Variants in ARID5B observed in about 807,000 individuals in gnomAD.
ARID5B encodes AT-rich interaction domain 5B.
Under a neutral mutation model 97.2 loss-of-function variants are expected in ARID5B, and 13 were observed. The observed-to-expected ratio is 0.13, with a 90% CI of 0.09 to 0.21. ARID5B has a LOEUF of 0.21. Ranked by LOEUF, ARID5B falls within the 10% of genes least tolerant of loss-of-function variation. The pLI, the probability that ARID5B is intolerant of heterozygous loss-of-function variation, is 1.00. For missense variants in ARID5B, 1,210 were observed against 1,465.3 expected (o/e 0.83, Z 2.84); for synonymous variants, 556 against 570.3 (o/e 0.97, Z 0.36).
At chr10:61,949,876 G>A (rs78352511) in intron 3 of ARID5B, among the ~76,000 whole-genome samples, 2,084 of 152,140 alleles carry the variant, frequency 0.014, 42 homozygotes, top group African/African-American at 0.048. Flanking sequence ...AGTCTTATGC[G>A]GCCTTGGCTT....
At chr10:61,974,989 T>C (rs1177988510) in intron 3 of ARID5B, among the ~76,000 whole-genome samples, 2 of 152,176 alleles carry the variant, frequency 1.3e-5, no homozygotes, top group Non-Finnish European at 2.9e-5. Context: ...AATAGCATTG[T>C]TGGTAGGCTT....
intron 4 of ARID5B, among the ~76,000 whole-genome samples, chr10:62,050,598 G>A (rs189297090): frequency 6.6e-6 from 1 of 152,302 alleles, no homozygotes; most frequent in African/African-American, 2.4e-5. Context: ...CAACGTGGAA[G>A]GACATTTTTC....
At chr10:61,977,033 C>T (rs1027143769) in intron 3 of ARID5B, among the ~76,000 whole-genome samples, 12 of 152,066 alleles carry the variant, frequency 7.9e-5, no homozygotes, top group Non-Finnish European at 1.3e-4. Context: ...CAACAGGCCC[C>T]GGTGTGTCAT....
chr10:62,087,077 A>T (rs1240976401), intron 9 of ARID5B, among the ~76,000 whole-genome samples: 1 of 152,014 alleles, frequency 6.6e-6, no homozygotes, highest in Non-Finnish European at 1.5e-5. Context: ...GAGGCGGTGG[A>T]TCACGAGGTC....
intron 7 of ARID5B, among the ~76,000 whole-genome samples, chr10:62,060,506 T>C (rs1446422003): frequency 6.6e-6 from 1 of 152,198 alleles, no homozygotes; most frequent in Non-Finnish European, 1.5e-5. Flanking sequence ...CTTGAAATAT[T>C]TATTTTATCA....
intron 3 of ARID5B, among the ~76,000 whole-genome samples, chr10:61,970,149 C>T (rs1002983884): frequency 6.6e-6 from 1 of 152,172 alleles, no homozygotes; most frequent in Non-Finnish European, 1.5e-5. Flanking sequence ...ATCAGACATA[C>T]TTATAAATGC....
At chr10:61,956,102 G>T (rs1838387706) in intron 3 of ARID5B, among the ~76,000 whole-genome samples, 1 of 152,106 alleles carries the variant, frequency 6.6e-6, no homozygotes, top group Non-Finnish European at 1.5e-5. Flanking sequence ...TATAACAGGG[G>T]TCCCCAATCC....
At chr10:61,998,260 T>C (rs1839028832) in intron 3 of ARID5B, among the ~76,000 whole-genome samples, 1 of 152,240 alleles carries the variant, frequency 6.6e-6, no homozygotes, top group Admixed American at 6.5e-5. Flanking sequence ...TGTTCCGTCC[T>C]TGCTCATTCG....
chr10:62,065,845 C>CAAAAAAAAAA (rs60296263), intron 7 of ARID5B, among the ~76,000 whole-genome samples: 1 of 88,666 alleles, frequency 1.1e-5, no homozygotes, highest in Admixed American at 1.3e-4. Context: ...GACTCTGTCT[C>CAAAAAAAAAA]AAAAAAAAAA....
At chr10:61,912,018 G>A (rs1473392323) in intron 2 of ARID5B, among the ~76,000 whole-genome samples, 3 of 152,228 alleles carry the variant, frequency 2.0e-5, no homozygotes, top group African/African-American at 7.2e-5. Flanking sequence ...ATTGAACAAT[G>A]AGAGAGTCTG....
chr10:62,048,900 A>C (rs966072578), intron 4 of ARID5B, among the ~76,000 whole-genome samples: 1 of 152,196 alleles, frequency 6.6e-6, no homozygotes, highest in African/African-American at 2.4e-5. Context: ...TTTTAATGAA[A>C]TGCCTGCGAC....
In ARID5B at chr10:62,000,831, T is replaced by TGATAGATAGATAGATAGATA. The variant is rs10689655; in HGVS notation, c.733+534_733+553dup. Among the ~76,000 whole-genome samples, 3 of 148,622 alleles carry TGATAGATAGATAGATAGATA rather than the reference T, an allele frequency of 2.0e-5. No individual in the cohort carries two copies. Among genetic ancestry groups the TGATAGATAGATAGATAGATA allele is most frequent in the African/African-American group, 7.5e-5 (3 of 40,130 alleles). On this transcript the variant is annotated intron_variant, in intron 4 of 9. Coordinates refer to ENST00000279873, the MANE Select transcript of ARID5B (RefSeq NM_032199.3). The surrounding 1 kb of genome is among the most constrained non-coding windows in gnomAD (Gnocchi z 4.4). ...TACAGTAGATAGACACGTAGAGAGA[T>TGATAGATAGATAGATAGATA]GATAGATAGATAGATAGATAGATAG...
At chr10:62,057,356 T>A in intron 6 of ARID5B, 38 bp downstream of exon 6, 1 of 1,563,124 alleles carries the variant, frequency 6.4e-7, no homozygotes, top group Non-Finnish European at 8.7e-7. Flanking sequence ...TTATCAGAGC[T>A]GCTCAGATTC....
At chr10:62,049,117 G>A in intron 4 of ARID5B, 1 of 1,114,392 alleles carries the variant, frequency 9.0e-7, no homozygotes, top group Non-Finnish European at 1.1e-6. Flanking sequence ...TTCATGGAAC[G>A]TGGCATCGTG....
chr10:61,952,997 A>T (rs574301638), intron 3 of ARID5B, among the ~76,000 whole-genome samples: 4 of 151,318 alleles, frequency 2.6e-5, no homozygotes, highest in African/African-American at 9.8e-5. Context: ...GTTCCACCTT[A>T]CCTTTTTTTT....
chr10:61,914,786 T>C (rs57395243), intron 2 of ARID5B, among the ~76,000 whole-genome samples: 490 of 152,344 alleles, frequency 3.2e-3, no homozygotes, highest in African/African-American at 7.2e-3. Context: ...TACTCTATTA[T>C]GTCCGTAGTA....
At chr10:62,010,705 C>T (rs1393360922) in intron 4 of ARID5B, among the ~76,000 whole-genome samples, 3 of 152,138 alleles carry the variant, frequency 2.0e-5, no homozygotes, top group Non-Finnish European at 4.4e-5. Context: ...TGTTAGGATG[C>T]TTAAAAGACC....
rs199587188 is a variant in ARID5B at position 61,947,261 on chromosome 10, C to CTTTTTTTTTTTTTTTTTTTTT, written c.502+6858_502+6878dup. 3.9e-4 allele frequency among the ~76,000 whole-genome samples: 49 copies of CTTTTTTTTTTTTTTTTTTTTT among 124,292 alleles called. 3 individuals carry two copies. Among genetic ancestry groups the CTTTTTTTTTTTTTTTTTTTTT allele is most frequent in the Non-Finnish European group, 6.9e-4 (41 of 59,498 alleles). The allele number at this position is 124,292 out of a possible 152,430, so 81.5% of individuals were successfully genotyped here. On this transcript the variant is annotated intron_variant, in intron 3 of 9. Coordinates refer to ENST00000279873, the MANE Select transcript of ARID5B (RefSeq NM_032199.3). ...ACCAGTATATCTTCTCACTTACTTT[C>CTTTTTTTTTTTTTTTTTTTTT]TTTTTTTTTTTTTTTTTTTTTTTTT... is the stretch of plus-strand genomic sequence containing the variant.
intron 4 of ARID5B, among the ~76,000 whole-genome samples, chr10:62,044,176 G>A (rs1589271879): frequency 6.6e-6 from 1 of 152,154 alleles, no homozygotes; most frequent in African/African-American, 2.4e-5. Flanking sequence ...GTAGGGGTAT[G>A]ACTTGGGCAA....
Sources: allele counts gnomAD v4.1 joint callset (sites outside exome capture counted in the v4.1 genomes callset), GRCh38; gene constraint gnomAD v4.1.1; non-coding constraint Gnocchi (gnomAD v3.1); transcripts MANE v1.5; gene names NCBI Gene and HGNC (gene_info 2026-07-23, HGNC 2026-07-21).